The following SLIT3 variants were observed in gnomAD, a reference collection of about 807,000 sequenced individuals.
The protein encoded by SLIT3 is slit homolog 3 protein.
SLIT3 carries 68 observed loss-of-function variants against 184.0 expected under a neutral mutation model. The ratio of observed to expected loss-of-function variants is 0.37; its 90% CI spans 0.30 to 0.45. SLIT3 has a LOEUF of 0.45. SLIT3 is among the 20% of genes least tolerant of loss of function. The probability of loss-of-function intolerance (pLI) is 1.00; values close to 1 mark genes in which losing one functional copy is unlikely to be tolerated. For missense variants in SLIT3, 1,707 were observed against 2,026.0 expected, an observed-to-expected ratio of 0.84 and a Z score of 3.02; for synonymous variants, 831 against 828.6, an observed-to-expected ratio of 1.00 and a Z score of -0.05.
chr5:168,777,746 T>G (rs1304310946), intron 12 of SLIT3, among the ~76,000 whole-genome samples: 2 of 152,144 alleles, frequency 1.3e-5, no homozygotes, highest in Non-Finnish European at 2.9e-5. Flanking sequence ...CAGGGAGAGA[T>G]AAAATTAAGC....
chr5:168,801,250 C>T (rs1309884999), intron 9 of SLIT3, among the ~76,000 whole-genome samples: 1 of 152,184 alleles, frequency 6.6e-6, no homozygotes, highest in East Asian at 1.9e-4. Flanking sequence ...CCAAGAGTCA[C>T]TGATGTCCAT....
chr5:169,052,119 T>G (rs1188110425), intron 4 of SLIT3, among the ~76,000 whole-genome samples: 1 of 149,284 alleles, frequency 6.7e-6, no homozygotes, highest in Non-Finnish European at 1.5e-5. Context: ...TATTTCCCCT[T>G]TAAAACTTGA....
intron 35 of SLIT3, among the ~76,000 whole-genome samples, chr5:168,668,764 A>G (rs942145404): frequency 4.6e-5 from 7 of 152,150 alleles, no homozygotes; most frequent in African/African-American, 1.4e-4. Context: ...TAGATGAGGA[A>G]GTGAACCACA....
At chr5:169,226,823 G>C (rs1284599885) in intron 3 of SLIT3, among the ~76,000 whole-genome samples, 3 of 152,126 alleles carry the variant, frequency 2.0e-5, no homozygotes, top group Non-Finnish European at 4.4e-5. Flanking sequence ...TCAGTTTTTT[G>C]CTAGAATCGT....
At chr5:168,844,843 A>G (rs1016890939) in intron 5 of SLIT3, 188 bp from the exon 6 acceptor site, 1 of 572,876 alleles carries the variant, frequency 1.7e-6, no homozygotes, top group Non-Finnish European at 3.1e-6. Flanking sequence ...TGAGAGAACT[A>G]CACAGACGAG....
intron 3 of SLIT3, among the ~76,000 whole-genome samples, chr5:169,233,061 C>G (rs914018812): frequency 6.6e-6 from 1 of 152,148 alleles, no homozygotes; most frequent in Admixed American, 6.5e-5. Context: ...GAGTCTCGCT[C>G]TGTCACCAGG....
At chr5:169,275,374 C>T (rs1391252657) in intron 1 of SLIT3, among the ~76,000 whole-genome samples, 1 of 152,190 alleles carries the variant, frequency 6.6e-6, no homozygotes, top group Non-Finnish European at 1.5e-5. Context: ...GTAAAATCAC[C>T]CAGCCTTCCC....
At chr5:169,064,268 C>A (rs1758273660) in intron 4 of SLIT3, among the ~76,000 whole-genome samples, 1 of 152,172 alleles carries the variant, frequency 6.6e-6, no homozygotes, top group Non-Finnish European at 1.5e-5. Flanking sequence ...ACATTCTTTG[C>A]CTGCTTGAAG....
intron 5 of SLIT3, among the ~76,000 whole-genome samples, chr5:168,854,279 A>G (rs1425621328): frequency 1.4e-5 from 2 of 146,630 alleles, no homozygotes; most frequent in Non-Finnish European, 1.5e-5. Flanking sequence ...CTTTAGTCTC[A>G]GTATTTGTCA....
Position 168,836,405 on chromosome 5 carries a change from T to C in SLIT3, c.557+8179A>G, listed in dbSNP as rs78929686. ...ATGGTGAAAGGGCAGAGGCTGACCA[T>C]CAGGCAGGGGCACCTTTGCAAATCA... On this transcript the variant is annotated intron_variant, in intron 6 of 35. Transcript: ENST00000519560. Among the ~76,000 whole-genome samples, 269 of 152,300 alleles carry C rather than the reference T, an allele frequency of 1.8e-3. 1 individual carries two copies. Among genetic ancestry groups the C allele is most frequent in the African/African-American group, 5.7e-3 (238 of 41,562 alleles).
chr5:169,202,508 G>A (rs1763932987), intron 3 of SLIT3, among the ~76,000 whole-genome samples: 1 of 152,066 alleles, frequency 6.6e-6, no homozygotes, highest in South Asian at 2.1e-4. Context: ...AGGTCTCTTG[G>A]ACACTAAAAC....
chr5:169,050,821 C>T (rs1757791002), intron 4 of SLIT3, among the ~76,000 whole-genome samples: 1 of 152,086 alleles, frequency 6.6e-6, no homozygotes, highest in Admixed American at 6.5e-5. Context: ...AGATCACATT[C>T]CACCCTTCCA....
At chr5:169,114,714 C>T (rs1444168031) in intron 4 of SLIT3, among the ~76,000 whole-genome samples, 2 of 152,238 alleles carry the variant, frequency 1.3e-5, no homozygotes, top group Non-Finnish European at 2.9e-5. Context: ...CCTCTGTCCT[C>T]CTCCTTGGTG....
intron 4 of SLIT3, among the ~76,000 whole-genome samples, chr5:169,014,274 T>C (rs189266737): frequency 6.6e-6 from 1 of 152,200 alleles, no homozygotes; most frequent in Non-Finnish European, 1.5e-5. Context: ...ACATTATACA[T>C]GTATTCTTAT....
intron 4 of SLIT3, among the ~76,000 whole-genome samples, chr5:168,939,106 AGG>A (rs1762253196): frequency 1.3e-5 from 2 of 152,320 alleles, no homozygotes; most frequent in Non-Finnish European, 1.5e-5. Flanking sequence ...GAAGCATGCG[AGG>A]AACCGGAAAC....
intron 27 of SLIT3, among the ~76,000 whole-genome samples, chr5:168,696,937 GA>G (rs1226870792): frequency 6.6e-6 from 1 of 152,164 alleles, no homozygotes; most frequent in Non-Finnish European, 1.5e-5. Context: ...CAAGGTCCCA[GA>G]CTCTGTACCC....
intron 3 of SLIT3, among the ~76,000 whole-genome samples, chr5:169,206,736 A>C (rs990992251): frequency 2.0e-5 from 3 of 152,182 alleles, no homozygotes; most frequent in East Asian, 1.9e-4. Flanking sequence ...AGGCATTTAC[A>C]TCTACATTTA....
At chr5:169,162,011 G>A (rs1021042553) in intron 4 of SLIT3, among the ~76,000 whole-genome samples, 4 of 152,174 alleles carry the variant, frequency 2.6e-5, no homozygotes, top group African/African-American at 7.2e-5. Context: ...TGCTGTATCT[G>A]TATTTGCTAA....
intron 4 of SLIT3, among the ~76,000 whole-genome samples, chr5:169,149,805 A>G (rs1475053749): frequency 2.0e-5 from 3 of 152,312 alleles, no homozygotes; most frequent in African/African-American, 7.2e-5. Flanking sequence ...TCCTTACTTC[A>G]GCAGAATCTA....
Sources: gnomAD v4.1 joint callset for allele counts (sites outside exome capture counted in the v4.1 genomes callset) on GRCh38, gnomAD v4.1.1 for gene constraint, MANE v1.5 for transcripts, NCBI Gene and HGNC (gene_info 2026-07-23, HGNC 2026-07-21) for gene names.